Variants in SPTBN1 observed in about 807,000 individuals in gnomAD.
The protein encoded by SPTBN1 is spectrin beta chain, non-erythrocytic 1.
In SPTBN1, 32 loss-of-function variants were observed where a neutral mutation model predicts 266.4. That is an observed-to-expected ratio of 0.12 (90% CI 0.09 to 0.16). The LOEUF (loss-of-function observed/expected upper bound fraction) is 0.16, where lower values mean the gene tolerates loss of function less well. SPTBN1 is among the 10% of genes least tolerant of loss of function. The pLI is 1.00. For missense variants in SPTBN1, 2,296 were observed against 3,067.1 expected (o/e 0.75, Z 5.94); for synonymous variants, 1,336 against 1,162.2 (o/e 1.15, Z -3.04).
chr2:54,506,892 C>CTTTTT (rs1481345490), intron 1 of SPTBN1, among the ~76,000 whole-genome samples: 2 of 8,346 alleles, frequency 2.4e-4, no homozygotes, highest in African/African-American at 8.1e-4. Flanking sequence ...CTGGTTCTCT[C>CTTTTT]TCTTTTTTTT....
rs537768865 is a variant in SPTBN1, at chr2:54,476,296, C to G, written c.-48+19778C>G. Among the ~76,000 whole-genome samples the G allele has an allele frequency of 3.9e-5, 6 of 152,062 alleles. No homozygotes were observed. The East Asian group carries it at 1.2e-3, about 29-fold the overall frequency. On this transcript the variant is annotated intron_variant, in intron 1 of 35. Coordinates refer to ENST00000356805, the MANE Select transcript of SPTBN1 (RefSeq NM_003128.3). ...AGGGTAGCAGGTAAGAGTAATCCTCCCATGTAGCCACAAAAAGAAGAGACT... is the reference window on the plus strand; with the variant it reads ...AGGGTAGCAGGTAAGAGTAATCCTCGCATGTAGCCACAAAAAGAAGAGACT...
chr2:54,637,117 T>C (rs1679203137), intron 17 of SPTBN1, among the ~76,000 whole-genome samples: 2 of 152,218 alleles, frequency 1.3e-5, no homozygotes, highest in African/African-American at 2.4e-5. Flanking sequence ...TTACAAGTTA[T>C]TTATTTAAGG....
In SPTBN1 at chr2:54,644,559, T is replaced by C; in HGVS notation, c.4242T>C (p.Ser1414=). 1 of 1,609,316 alleles carries C rather than the reference T, an allele frequency of 6.2e-7. No homozygotes were observed. Among genetic ancestry groups the C allele is most frequent in the East Asian group, 2.2e-5 (1 of 44,742 alleles). The change falls in exon 20 of 36, where the codon AGT becomes AGC. Residue 1414 remains serine, a synonymous_variant. Transcript: ENST00000356805. Reference sequence around the variant, plus strand: ...ATGACTATGGCAAAGACCTGACCAGTGTCAATATCCTGCTGAAAAAGCAAC... The same window carrying C: ...ATGACTATGGCAAAGACCTGACCAGCGTCAATATCCTGCTGAAAAAGCAAC... ...QSDDYGKDLT[S]VNILLKKQQM... is the part of the protein sequence containing the mutation.
intron 1 of SPTBN1, among the ~76,000 whole-genome samples, chr2:54,511,718 G>A (rs1330598983): frequency 2.0e-5 from 3 of 151,936 alleles, no homozygotes; most frequent in Non-Finnish European, 4.4e-5. Flanking sequence ...ACAAAAATTA[G>A]CCAGGTGTGG....
intron 2 of SPTBN1, among the ~76,000 whole-genome samples, chr2:54,596,169 C>G (rs754289849): frequency 1.9e-4 from 29 of 152,168 alleles, no homozygotes; most frequent in Non-Finnish European, 3.2e-4. Context: ...GATTGCCTTT[C>G]ATCGTCAGTG....
In SPTBN1 at chr2:54,649,865, T is replaced by C; in HGVS notation, c.5453T>C (p.Phe1818Ser). ...HKFYHDAKEIFGRIQDKHKKL... is the reference protein window; with the variant it reads ...HKFYHDAKEISGRIQDKHKKL... ...TTTTACCACGATGCCAAGGAGATCT[T>C]TGGGCGTATACAGGACAAACACAAG... The change falls in exon 26 of 36, where the codon TTT becomes TCT. Residue 1818 changes from phenylalanine (F) to serine (S), a missense_variant. Phe to Ser is a radical substitution (Grantham distance 155). Transcript: ENST00000356805. The surrounding 1 kb of genome is among the most constrained non-coding windows in gnomAD (Gnocchi z 6.7). The C allele has an allele frequency of 6.2e-7, 1 of 1,614,182 alleles. No individual in the cohort carries two copies. Among genetic ancestry groups the C allele is most frequent in the Non-Finnish European group, 8.5e-7 (1 of 1,180,032 alleles).
chr2:54,599,041 C>A, intron 2 of SPTBN1, 51 bp from the exon 3 acceptor site: 1 of 1,597,326 alleles, frequency 6.3e-7, no homozygotes, highest in Non-Finnish European at 8.5e-7. Flanking sequence ...CATGTGCCTG[C>A]TCCTGCCAGT....
intron 1 of SPTBN1, among the ~76,000 whole-genome samples, chr2:54,504,859 C>A (rs1363168434): frequency 6.6e-6 from 1 of 151,968 alleles, no homozygotes; most frequent in East Asian, 1.9e-4. Context: ...TAAATATTTC[C>A]AGTGGCGTAC....
rs117350455 is a variant in SPTBN1 at position 54,650,781 on chromosome 2, A to G, written c.5577+792A>G. 4.7e-4 allele frequency among the ~76,000 whole-genome samples: 72 copies of G among 152,368 alleles called. 1 individual carries two copies. In the East Asian group the frequency reaches 0.012, roughly 26 times the overall value. On this transcript the variant is annotated intron_variant, in intron 26 of 35. Coordinates refer to ENST00000356805, the MANE Select transcript of SPTBN1 (RefSeq NM_003128.3). ...TGTCATTGTAGAATAAAGCAGCCATAGACAGTGAGAAGATGAATGAGCGTA... is the reference window on the plus strand; with the variant it reads ...TGTCATTGTAGAATAAAGCAGCCATGGACAGTGAGAAGATGAATGAGCGTA...
At chr2:54,523,023 C>T (rs1670580886) in intron 1 of SPTBN1, among the ~76,000 whole-genome samples, 1 of 152,114 alleles carries the variant, frequency 6.6e-6, no homozygotes, top group African/African-American at 2.4e-5. Context: ...CATTTTCTCC[C>T]TAGAGATAGA....
chr2:54,665,983 C>T lies in SPTBN1; in HGVS notation c.6728C>T (p.Ala2243Val). Reference sequence around the variant, plus strand: ...GGTTTCTACAAAGATGCAAAGACTGCTGCTTCTGGAATTCCCTACCACAGC... The same window carrying T: ...GGTTTCTACAAAGATGCAAAGACTGTTGCTTCTGGAATTCCCTACCACAGC... ...EMGFYKDAKTAASGIPYHSEV... is the reference protein window; with the variant it reads ...EMGFYKDAKTVASGIPYHSEV... Residue 2243 changes from alanine to valine, a missense_variant, in exon 34 of 36, where the codon GCT becomes GTT. Ala to Val is a moderately conservative substitution (Grantham distance 64). Around this residue, in one of 12 missense-constraint regions of SPTBN1, gnomAD observed 347 missense variants for 368.5 expected, o/e 0.94. Transcript: ENST00000356805. 1.2e-6 allele frequency: 2 copies of T among 1,614,156 alleles called. No homozygotes were observed. The highest frequency in any genetic ancestry group is 1.7e-6 in the Non-Finnish European group (2 of 1,180,032).
intron 3 of SPTBN1, among the ~76,000 whole-genome samples, chr2:54,605,497 A>C (rs995671414): frequency 6.6e-6 from 1 of 152,242 alleles, no homozygotes; most frequent in Admixed American, 6.5e-5. Flanking sequence ...TCAACCACCT[A>C]GCAGGGAGAG....
chr2:54,570,752 G>C (rs1295603934), intron 2 of SPTBN1, among the ~76,000 whole-genome samples: 11 of 152,268 alleles, frequency 7.2e-5, no homozygotes, highest in African/African-American at 2.6e-4. Context: ...TTAACATTTT[G>C]AATTATGTTT....
chr2:54,457,603 C>T (rs951123643), intron 1 of SPTBN1, among the ~76,000 whole-genome samples: 1 of 152,154 alleles, frequency 6.6e-6, no homozygotes, highest in Admixed American at 6.5e-5. Context: ...TCACGGTGCC[C>T]TCGCCGTGAT....
Position 54,664,419 on chromosome 2 carries a change from G to T in SPTBN1, c.6421-34G>T. The T allele has an allele frequency of 1.3e-6, 2 of 1,594,220 alleles. No individual in the cohort carries two copies. Among genetic ancestry groups the T allele is most frequent in the Non-Finnish European group, 1.7e-6 (2 of 1,165,084 alleles). On this transcript the variant is annotated intron_variant, in intron 32 of 35. Coordinates refer to ENST00000356805, the MANE Select transcript of SPTBN1 (RefSeq NM_003128.3). This position sits in a 1 kb window ranked among gnomAD's most constrained non-coding sequence, Gnocchi z 5.6. ...GTATGTGGTCACCCCCATGGCTCACGGAGTTAGCTGAATGGCCTCTCCGCT... is the reference window on the plus strand; with the variant it reads ...GTATGTGGTCACCCCCATGGCTCACTGAGTTAGCTGAATGGCCTCTCCGCT...
At chr2:54,508,359 C>T (rs1031229649) in intron 1 of SPTBN1, among the ~76,000 whole-genome samples, 1 of 152,156 alleles carries the variant, frequency 6.6e-6, no homozygotes, top group African/African-American at 2.4e-5. Flanking sequence ...AGTCAATTTG[C>T]CAGTCCTGGG....
rs1420765498 is a variant in SPTBN1, at chr2:54,533,432, A to C, written c.148+6866A>C. Among the ~76,000 whole-genome samples, 2 of 150,570 alleles carry C rather than the reference A, an allele frequency of 1.3e-5. No homozygotes were observed. Among genetic ancestry groups the C allele is most frequent in the Non-Finnish European group, 3.0e-5 (2 of 67,760 alleles). The stretch of plus-strand genomic sequence containing the variant: ...GACTTCTAGTGAACGAACAGAGCCA[A>C]CCTCTTCCTGAATATGTAAAGAAAT... On this transcript the variant is annotated intron_variant, in intron 2 of 35. Coordinates refer to ENST00000356805, the MANE Select transcript of SPTBN1 (RefSeq NM_003128.3). The surrounding 1 kb of genome is among the most constrained non-coding windows in gnomAD (Gnocchi z 4.2).
intron 17 of SPTBN1, 30 bp downstream of exon 17, chr2:54,632,798 C>T (rs374356054): frequency 1.3e-5 from 21 of 1,609,364 alleles, no homozygotes; most frequent in Middle Eastern, 3.3e-4. Flanking sequence ...TTAAGGGAGC[C>T]TTGCACCTTG....
chr2:54,636,358 T>C (rs186161115), intron 17 of SPTBN1, among the ~76,000 whole-genome samples: 37 of 152,368 alleles, frequency 2.4e-4, no homozygotes, highest in Non-Finnish European at 2.1e-4. Flanking sequence ...ATTTACATAA[T>C]ATAAATTATA....
Sources: gnomAD v4.1 joint callset for allele counts (sites outside exome capture counted in the v4.1 genomes callset) on GRCh38, gnomAD v4.1.1 for gene constraint, gnomAD v4.1.1 regional missense constraint, Gnocchi (gnomAD v3.1) non-coding constraint, MANE v1.5 for transcripts, NCBI Gene and HGNC (gene_info 2026-07-23, HGNC 2026-07-21) for gene names.